HIPK2: variants seen among roughly 807,000 people sequenced by gnomAD.
HIPK2 encodes the protein homeodomain-interacting protein kinase 2.
A neutral mutation model predicts 113.7 loss-of-function variants in HIPK2; 27 were observed. That is an observed-to-expected ratio of 0.24 (90% CI 0.17 to 0.33). HIPK2 has a LOEUF of 0.33. Ranked by LOEUF, HIPK2 falls within the 10% of genes least tolerant of loss-of-function variation. The pLI is 1.00. For missense variants in HIPK2, 1,257 were observed against 1,588.0 expected, an observed-to-expected ratio of 0.79 and a Z score of 3.54; for synonymous variants, 631 against 642.2, an observed-to-expected ratio of 0.98 and a Z score of 0.26.
Position 139,631,990 on chromosome 7 carries a change from C to T in HIPK2, c.1104-265G>A, listed in dbSNP as rs966976424. 1.3e-5 allele frequency among the ~76,000 whole-genome samples: 2 copies of T among 152,230 alleles called. No homozygotes were observed. Among genetic ancestry groups the T allele is most frequent in the Non-Finnish European group, 2.9e-5 (2 of 68,040 alleles). On this transcript the variant is annotated intron_variant, in intron 2 of 14. Transcript: ENST00000406875. This position sits in a 1 kb window ranked among gnomAD's most constrained non-coding sequence, Gnocchi z 4.9. ...ACACACCTACAGAGAACCACGTCTACTGACTTCATTACCTTCACACGCCAA... is the reference window on the plus strand; with the variant it reads ...ACACACCTACAGAGAACCACGTCTATTGACTTCATTACCTTCACACGCCAA...
At position 139,567,948 on chromosome 7, in the gene HIPK2, A is replaced by T. The variant is rs1798143969; in HGVS notation, c.*4979T>A. 1 of 152,286 alleles carries T rather than the reference A, an allele frequency of 6.6e-6. No individual in the cohort carries two copies. The highest frequency in any genetic ancestry group is 2.4e-5 in the African/African-American group (1 of 41,438). 9.4% of individuals were successfully genotyped at this position (152,286 alleles called of 1,614,324 possible). On this transcript the variant is annotated 3_prime_UTR_variant, in exon 15 of 15. Transcript: ENST00000406875. The stretch of plus-strand genomic sequence containing the variant: ...AGCTGGGTCCCCACGTCGCTCTCTC[A>T]ACCATGAGCCATCAGTAATACTTCC...
chr7:139,623,517 CAAAA>C (rs771370297), intron 6 of HIPK2, among the ~76,000 whole-genome samples: 978 of 74,082 alleles, frequency 0.013, 3 homozygotes, highest in Middle Eastern at 0.058. Context: ...GACTCTACTT[CAAAA>C]AAAAAAAAAA....
In HIPK2 at chr7:139,631,302, A is replaced by G. The variant is rs761573831; in HGVS notation, c.1228-18T>C. The G allele has an allele frequency of 1.2e-6, 2 of 1,601,294 alleles. No individual in the cohort carries two copies. Among genetic ancestry groups the G allele is most frequent in the Admixed American group, 3.4e-5 (2 of 58,282 alleles). On this transcript the variant is annotated intron_variant, in intron 3 of 14. Transcript: ENST00000406875. This position sits in a 1 kb window ranked among gnomAD's most constrained non-coding sequence, Gnocchi z 4.9. ...TACCGAATCTGCAAGAAAAGATAAG[A>G]ATGAGGTCAGGGCTTTTCCTGTCAC...
chr7:139,702,152 C>A (rs972761343), intron 2 of HIPK2, among the ~76,000 whole-genome samples: 1 of 152,178 alleles, frequency 6.6e-6, no homozygotes, highest in Non-Finnish European at 1.5e-5. Flanking sequence ...CACGAGACAG[C>A]GGCGGGAGAG....
intron 2 of HIPK2, among the ~76,000 whole-genome samples, chr7:139,658,034 A>T (rs1243313205): frequency 6.6e-6 from 1 of 152,104 alleles, no homozygotes; most frequent in Non-Finnish European, 1.5e-5. Context: ...CCTCAGCCAT[A>T]AGATGGTAGC....
At chr7:139,634,165 T>C (rs1380731812) in intron 2 of HIPK2, among the ~76,000 whole-genome samples, 1 of 152,078 alleles carries the variant, frequency 6.6e-6, no homozygotes, top group African/African-American at 2.4e-5. Context: ...GACTGGGTAC[T>C]GGCTACTACG....
At chr7:139,705,257 C>T (rs920152233) in intron 2 of HIPK2, among the ~76,000 whole-genome samples, 6 of 152,380 alleles carry the variant, frequency 3.9e-5, no homozygotes, top group African/African-American at 1.2e-4. Flanking sequence ...TTATTCGTGA[C>T]AGAGCTGCTG....
intron 2 of HIPK2, among the ~76,000 whole-genome samples, chr7:139,666,124 T>TG (rs1428029915): frequency 6.6e-6 from 1 of 152,120 alleles, no homozygotes; most frequent in Non-Finnish European, 1.5e-5. Flanking sequence ...AGGGATGACA[T>TG]GGTAGCCTGT....
chr7:139,771,210 G>C (rs1457250520), intron 1 of HIPK2, among the ~76,000 whole-genome samples: 5 of 152,076 alleles, frequency 3.3e-5, no homozygotes, highest in Admixed American at 6.5e-5. Flanking sequence ...TCTAAATGAG[G>C]ATGACCTGAC....
At chr7:139,745,739 G>C (rs188034942) in intron 1 of HIPK2, among the ~76,000 whole-genome samples, 32 of 152,216 alleles carry the variant, frequency 2.1e-4, no homozygotes, top group Admixed American at 2.0e-3. Flanking sequence ...CTTCCAGGCA[G>C]TGGCCAGGCC....
chr7:139,682,310 T>G (rs1355727580), intron 2 of HIPK2, among the ~76,000 whole-genome samples: 1 of 152,158 alleles, frequency 6.6e-6, no homozygotes, highest in Non-Finnish European at 1.5e-5. Flanking sequence ...GACCTGGGCT[T>G]GGCACCAGGA....
In HIPK2 at chr7:139,695,240, G is replaced by A. The variant is rs1028006267; in HGVS notation, c.1103+20692C>T. 9.8e-5 allele frequency among the ~76,000 whole-genome samples: 15 copies of A among 152,334 alleles called. No homozygotes were observed. The East Asian group carries it at 1.5e-3, about 16-fold the overall frequency. Reference sequence around the variant, plus strand: ...AAGTGTTCCATCATTAGAGGAGCAGGCTGCTTGCGGGCCGATTCCCAGGGA... The same window carrying A: ...AAGTGTTCCATCATTAGAGGAGCAGACTGCTTGCGGGCCGATTCCCAGGGA... On this transcript the variant is annotated intron_variant, in intron 2 of 14. Transcript: ENST00000406875.
intron 2 of HIPK2, among the ~76,000 whole-genome samples, chr7:139,677,195 A>G (rs565899648): frequency 6.8e-5 from 10 of 146,792 alleles, no homozygotes; most frequent in South Asian, 6.3e-4. Flanking sequence ...ATGTGTGTGT[A>G]TGTGTGTGTG....
At chr7:139,660,986 C>T (rs575588399) in intron 2 of HIPK2, among the ~76,000 whole-genome samples, 20 of 142,200 alleles carry the variant, frequency 1.4e-4, no homozygotes, top group African/African-American at 4.4e-4. Flanking sequence ...CAGAGACTCC[C>T]GGCCTCTAAA....
chr7:139,692,489 GACAGGTTCTTTTCCTGTGT>G (rs1177311426), intron 2 of HIPK2, among the ~76,000 whole-genome samples: 1 of 152,156 alleles, frequency 6.6e-6, no homozygotes, highest in African/African-American at 2.4e-5. Context: ...AAGGGAGCAG[GACAGGTTCTTTTCCTGTGT>G]ACAGAGAGGG....
chr7:139,705,614 T>A (rs1794869239), intron 2 of HIPK2, among the ~76,000 whole-genome samples: 1 of 152,174 alleles, frequency 6.6e-6, no homozygotes, highest in East Asian at 1.9e-4. Flanking sequence ...CCTGACCTCG[T>A]GATCCGCCCG....
chr7:139,578,064 C>T (rs557312691), intron 13 of HIPK2, among the ~76,000 whole-genome samples: 58 of 152,024 alleles, frequency 3.8e-4, no homozygotes, highest in African/African-American at 1.2e-3. Flanking sequence ...GGCTGGAGTA[C>T]GGTGGCGTGA....
At chr7:139,650,075 C>G (rs1585327067) in intron 2 of HIPK2, among the ~76,000 whole-genome samples, 1 of 152,108 alleles carries the variant, frequency 6.6e-6, no homozygotes, top group Admixed American at 6.5e-5. Context: ...TTAGGCCAGG[C>G]ATGGTGGCTC....
intron 13 of HIPK2, among the ~76,000 whole-genome samples, chr7:139,581,039 G>A (rs190037781): frequency 2.0e-4 from 30 of 152,216 alleles, no homozygotes; most frequent in Non-Finnish European, 4.3e-4. Flanking sequence ...GGCTAACGCG[G>A]TGAAACCCCA....
Sources: gnomAD v4.1 joint callset for allele counts (sites outside exome capture counted in the v4.1 genomes callset) on GRCh38, gnomAD v4.1.1 for gene constraint, Gnocchi (gnomAD v3.1) non-coding constraint, MANE v1.5 for transcripts, NCBI Gene and HGNC (gene_info 2026-07-23, HGNC 2026-07-21) for gene names.